Variants in CEP112 observed in about 807,000 individuals in gnomAD.
CEP112 encodes the protein centrosomal protein 112, also known as centrosomal protein of 112 kDa.
In CEP112, 127 loss-of-function variants were observed where a neutral mutation model predicts 153.0. The ratio of observed to expected loss-of-function variants is 0.83; its 90% confidence interval spans 0.72 to 0.96. CEP112 has a LOEUF of 0.96. Among genes scored for constraint, CEP112 ranks in the 40% least tolerant of loss-of-function variants. The pLI is 0.00. For missense variants in CEP112, 1,089 were observed against 1,101.2 expected (o/e 0.99, Z 0.16); for synonymous variants, 358 against 374.4 (o/e 0.96, Z 0.51).
intron 10 of CEP112, among the ~76,000 whole-genome samples, chr17:66,065,043 C>G (rs995176637): frequency 1.3e-5 from 2 of 152,164 alleles, no homozygotes; most frequent in Non-Finnish European, 2.9e-5. Context: ...AAGTTCCATA[C>G]AGAAAATCCT....
chr17:65,994,125 T>C (rs564559166), intron 17 of CEP112, among the ~76,000 whole-genome samples: 1 of 152,136 alleles, frequency 6.6e-6, no homozygotes, highest in Non-Finnish European at 1.5e-5. Flanking sequence ...GGCTTGTGGC[T>C]AGGGTGTTTT....
chr17:66,036,476 C>T (rs985202402), intron 12 of CEP112, among the ~76,000 whole-genome samples: 3 of 152,062 alleles, frequency 2.0e-5, no homozygotes, highest in African/African-American at 4.8e-5. Context: ...CATGGACCAC[C>T]GACGTATTTT....
At chr17:65,991,041 C>G (rs2063575717) in intron 17 of CEP112, among the ~76,000 whole-genome samples, 1 of 152,216 alleles carries the variant, frequency 6.6e-6, no homozygotes, top group South Asian at 2.1e-4. Context: ...GCATCAGGCT[C>G]TGAGATGTCC....
intron 21 of CEP112, among the ~76,000 whole-genome samples, chr17:65,805,129 G>C (rs949318492): frequency 1.3e-5 from 2 of 152,056 alleles, no homozygotes; most frequent in African/African-American, 4.8e-5. Flanking sequence ...ATTACAGGCA[G>C]GAGCCACCAT....
At chr17:65,920,362 A>ACAAACAAAAAAAAAAATAT (rs1230889770) in intron 19 of CEP112, among the ~76,000 whole-genome samples, 1 of 42,778 alleles carries the variant, frequency 2.3e-5, no homozygotes, top group African/African-American at 8.6e-5. Context: ...AAACAAACAA[A>ACAAACAAAAAAAAAAATAT]ATATATATAT....
At chr17:66,040,183 C>T (rs1280170031) in intron 12 of CEP112, among the ~76,000 whole-genome samples, 2 of 152,132 alleles carry the variant, frequency 1.3e-5, no homozygotes, top group African/African-American at 4.8e-5. Context: ...GTGTATGAGA[C>T]TTCAGACTAT....
chr17:65,900,594 T>C (rs141660021), intron 20 of CEP112, among the ~76,000 whole-genome samples: 1 of 152,284 alleles, frequency 6.6e-6, no homozygotes, highest in Non-Finnish European at 1.5e-5. Context: ...TAGGAAGTTA[T>C]GCAAATTAGT....
intron 23 of CEP112, among the ~76,000 whole-genome samples, chr17:65,715,483 C>T (rs1414360622): frequency 6.6e-6 from 1 of 151,866 alleles, no homozygotes. Context: ...CGGAGTCTTG[C>T]TCCGTCGCTC....
intron 23 of CEP112, among the ~76,000 whole-genome samples, chr17:65,700,250 C>T (rs779234350): frequency 8.5e-5 from 13 of 152,150 alleles, no homozygotes; most frequent in Non-Finnish European, 1.5e-4. Flanking sequence ...CTGGGCATAT[C>T]GCATGTACCA....
At chr17:65,971,280 T>C (rs1258569476) in intron 17 of CEP112, among the ~76,000 whole-genome samples, 1 of 152,206 alleles carries the variant, frequency 6.6e-6, no homozygotes, top group East Asian at 1.9e-4. Flanking sequence ...GTACAGCACA[T>C]GCACATAACA....
chr17:65,772,449 TAAG>T (rs2053416220), intron 21 of CEP112, among the ~76,000 whole-genome samples: 1 of 152,026 alleles, frequency 6.6e-6, no homozygotes, highest in Admixed American at 6.6e-5. Flanking sequence ...AATAGGGTAA[TAAG>T]AAAATATGAA....
At chr17:65,945,070 G>C (rs1055426060) in intron 18 of CEP112, among the ~76,000 whole-genome samples, 7 of 152,140 alleles carry the variant, frequency 4.6e-5, no homozygotes, top group Non-Finnish European at 1.0e-4. Context: ...CTCCATCCAA[G>C]AATAACTTGC....
At chr17:65,937,562 G>A (rs1599074980) in intron 18 of CEP112, among the ~76,000 whole-genome samples, 1 of 102,230 alleles carries the variant, frequency 9.8e-6, no homozygotes, top group East Asian at 8.4e-4. Flanking sequence ...GTCCGGGAGG[G>A]AGGTGGGGGG....
chr17:66,070,268 C>T (rs1336354972), intron 8 of CEP112, among the ~76,000 whole-genome samples: 1 of 152,122 alleles, frequency 6.6e-6, no homozygotes, highest in African/African-American at 2.4e-5. Flanking sequence ...CTACTCTCCC[C>T]ATTCTCTCCC....
chr17:66,171,304 T>C (rs917951991), intron 4 of CEP112, among the ~76,000 whole-genome samples: 4 of 151,936 alleles, frequency 2.6e-5, no homozygotes, highest in Admixed American at 6.6e-5. Context: ...AAAGAAACAC[T>C]AAGGGGGAAA....
intron 23 of CEP112, among the ~76,000 whole-genome samples, chr17:65,734,275 A>G (rs956906152): frequency 6.6e-6 from 1 of 152,186 alleles, no homozygotes; most frequent in Non-Finnish European, 1.5e-5. Flanking sequence ...GGCATTTCCC[A>G]TGGGGCATGG....
intron 17 of CEP112, among the ~76,000 whole-genome samples, chr17:65,997,548 C>G (rs971252035): frequency 6.6e-6 from 1 of 152,114 alleles, no homozygotes; most frequent in African/African-American, 2.4e-5. Context: ...TCCTCAGACA[C>G]GTTTAATTAA....
chr17:65,970,998 GCTT>G (rs1006642454), intron 17 of CEP112, among the ~76,000 whole-genome samples: 28 of 152,130 alleles, frequency 1.8e-4, no homozygotes, highest in African/African-American at 5.6e-4. Flanking sequence ...TTTGTAAAGG[GCTT>G]CTTATTTTGG....
intron 17 of CEP112, among the ~76,000 whole-genome samples, chr17:65,993,225 G>A (rs1319713087): frequency 6.6e-6 from 1 of 152,116 alleles, no homozygotes; most frequent in Admixed American, 6.6e-5. Context: ...GTTTGCTGAG[G>A]ATAATGGCTT....
Sources: gnomAD v4.1 joint callset for allele counts (sites outside exome capture counted in the v4.1 genomes callset) on GRCh38, gnomAD v4.1.1 for gene constraint, MANE v1.5 for transcripts, NCBI Gene and HGNC (gene_info 2026-07-23, HGNC 2026-07-21) for gene names.